Variants in CAMK2D observed in about 807,000 individuals in gnomAD.
The protein encoded by CAMK2D is calcium/calmodulin dependent protein kinase II delta.
A neutral mutation model predicts 84.0 loss-of-function variants in CAMK2D; 37 were observed. The observed-to-expected ratio is 0.44, with a 90% CI of 0.34 to 0.58. CAMK2D has a LOEUF of 0.58. Among genes scored for constraint, CAMK2D ranks in the 20% least tolerant of loss-of-function variants. The probability of loss-of-function intolerance (pLI) is 0.02; values close to 1 mark genes in which losing one functional copy is unlikely to be tolerated. For missense variants in CAMK2D, 448 were observed against 652.5 expected (o/e 0.69, Z 3.41); for synonymous variants, 202 against 212.5 (o/e 0.95, Z 0.43).
chr4:113,587,878 A>G (rs1244027887), intron 4 of CAMK2D, among the ~76,000 whole-genome samples: 1 of 152,138 alleles, frequency 6.6e-6, no homozygotes, highest in Admixed American at 6.6e-5. Flanking sequence ...AGTCTGTATC[A>G]TCAATAATAC....
intron 4 of CAMK2D, among the ~76,000 whole-genome samples, chr4:113,584,804 C>T (rs889858914): frequency 8.6e-5 from 13 of 152,010 alleles, no homozygotes; most frequent in African/African-American, 3.1e-4. Flanking sequence ...TCCAAAAGAA[C>T]ACAATAGCTA....
At chr4:113,574,026 C>T (rs376108242) in intron 4 of CAMK2D, among the ~76,000 whole-genome samples, 14 of 152,182 alleles carry the variant, frequency 9.2e-5, no homozygotes, top group Admixed American at 2.0e-4. Context: ...TTTCAGGGTA[C>T]GCAAAATATA....
At chr4:113,671,580 G>A (rs528881341) in intron 2 of CAMK2D, among the ~76,000 whole-genome samples, 7 of 152,254 alleles carry the variant, frequency 4.6e-5, no homozygotes, top group African/African-American at 1.7e-4. Flanking sequence ...GAACATTTTT[G>A]AGATCTAACA....
chr4:113,559,073 A>G (rs747372784), intron 4 of CAMK2D, among the ~76,000 whole-genome samples: 5 of 152,156 alleles, frequency 3.3e-5, no homozygotes, highest in Non-Finnish European at 7.4e-5. Context: ...TATCTGACCT[A>G]TATACTCTAC....
intron 5 of CAMK2D, among the ~76,000 whole-genome samples, chr4:113,549,886 G>A (rs570192553): frequency 1.4e-4 from 22 of 152,084 alleles, no homozygotes; most frequent in Non-Finnish European, 2.5e-4. Flanking sequence ...CACTAAAAGC[G>A]TCTCACATTC....
intron 3 of CAMK2D, among the ~76,000 whole-genome samples, chr4:113,651,912 T>A (rs897178850): frequency 2.6e-5 from 4 of 152,178 alleles, no homozygotes. Context: ...ATTAGTTCTA[T>A]AATACCTATA....
chr4:113,577,591 G>T (rs1032837159), intron 4 of CAMK2D, among the ~76,000 whole-genome samples: 3 of 151,906 alleles, frequency 2.0e-5, no homozygotes, highest in Non-Finnish European at 2.9e-5. Flanking sequence ...CTTGGCCCTC[G>T]ATTTGTTTTC....
chr4:113,503,589 TCTA>T (rs1282199293), intron 14 of CAMK2D, among the ~76,000 whole-genome samples: 1 of 152,172 alleles, frequency 6.6e-6, no homozygotes, highest in Non-Finnish European at 1.5e-5. Context: ...CTAGAACTAA[TCTA>T]CTAATCTAGA....
chr4:113,467,486 TAA>T (rs1218668241), intron 16 of CAMK2D, among the ~76,000 whole-genome samples: 1 of 152,212 alleles, frequency 6.6e-6, no homozygotes, highest in African/African-American at 2.4e-5. Context: ...AAAATGTGAT[TAA>T]GTTAGTCCAT....
At chr4:113,588,599 G>A (rs1723459641) in intron 4 of CAMK2D, among the ~76,000 whole-genome samples, 1 of 152,144 alleles carries the variant, frequency 6.6e-6, no homozygotes, top group Admixed American at 6.6e-5. Flanking sequence ...TGGCACTGAG[G>A]CACCATTATG....
At chr4:113,627,502 G>C (rs541338318) in intron 3 of CAMK2D, among the ~76,000 whole-genome samples, 1 of 152,114 alleles carries the variant, frequency 6.6e-6, no homozygotes, top group African/African-American at 2.4e-5. Flanking sequence ...TGTTTAAAGA[G>C]ATCTTAACTG....
chr4:113,639,337 C>T (rs140866735), intron 3 of CAMK2D, among the ~76,000 whole-genome samples: 133 of 152,274 alleles, frequency 8.7e-4, no homozygotes, highest in African/African-American at 3.2e-3. Context: ...ATACCATACT[C>T]TGTGCTGGAT....
At chr4:113,580,413 A>G (rs2098802360) in intron 4 of CAMK2D, among the ~76,000 whole-genome samples, 1 of 152,234 alleles carries the variant, frequency 6.6e-6, no homozygotes, top group African/African-American at 2.4e-5. Flanking sequence ...ATAATGTTAC[A>G]CATTTAGTAT....
intron 16 of CAMK2D, among the ~76,000 whole-genome samples, chr4:113,485,494 TAAAC>T (rs1353722356): frequency 6.6e-6 from 1 of 152,168 alleles, no homozygotes; most frequent in South Asian, 2.1e-4. Flanking sequence ...TCCTAAAACA[TAAAC>T]AAAACAAAAC....
At chr4:113,459,392 T>C (rs2097343634) in intron 18 of CAMK2D, among the ~76,000 whole-genome samples, 2 of 151,936 alleles carry the variant, frequency 1.3e-5, no homozygotes, top group South Asian at 4.2e-4. Flanking sequence ...TTAATTTTTA[T>C]ATTCTTTGTA....
At chr4:113,681,522 G>A (rs1258443719) in intron 2 of CAMK2D, among the ~76,000 whole-genome samples, 1 of 152,072 alleles carries the variant, frequency 6.6e-6, no homozygotes, top group Non-Finnish European at 1.5e-5. Context: ...GCCCAGTCTT[G>A]GGCAGTTCTT....
At chr4:113,577,386 C>T (rs1363271599) in intron 4 of CAMK2D, among the ~76,000 whole-genome samples, 1 of 152,076 alleles carries the variant, frequency 6.6e-6, no homozygotes, top group Non-Finnish European at 1.5e-5. Flanking sequence ...TCAGGAACAC[C>T]AATTACCCTT....
At chr4:113,724,506 C>T (rs907715404) in intron 2 of CAMK2D, among the ~76,000 whole-genome samples, 2 of 150,228 alleles carry the variant, frequency 1.3e-5, no homozygotes, top group African/African-American at 4.9e-5. Context: ...AAATATTTAC[C>T]GAGCATTTAC....
chr4:113,585,993 G>A lies in CAMK2D; in HGVS notation c.275+23159C>T, dbSNP rs139967424. On this transcript the variant is annotated intron_variant, in intron 4 of 20. Coordinates refer to ENST00000511664, the MANE Select transcript of CAMK2D (RefSeq NM_001321571.2). ...AAATTTTGCTCCTGGCTTGAATCCT[G>A]GCTGCCTCTTCTTTCTGTCTGACTG... Among the ~76,000 whole-genome samples, 816 of 152,122 alleles carry A rather than the reference G, an allele frequency of 5.4e-3. 3 individuals carry two copies. Among genetic ancestry groups the A allele is most frequent in the Non-Finnish European group, 8.4e-3 (573 of 67,978 alleles).
Sources: allele counts gnomAD v4.1 joint callset (sites outside exome capture counted in the v4.1 genomes callset), GRCh38; gene constraint gnomAD v4.1.1; transcripts MANE v1.5; gene names NCBI Gene and HGNC (gene_info 2026-07-23, HGNC 2026-07-21).